Variants in ZNF77 observed in about 807,000 individuals in gnomAD.
ZNF77 encodes ZNFpT1.
ZNF77 carries 15 observed loss-of-function variants against 13.5 expected under a neutral mutation model. The ratio of observed to expected loss-of-function variants is 1.11; its 90% CI spans 0.74 to 1.71. ZNF77 has a LOEUF of 1.71. ZNF77 is among the 40% of genes most tolerant of loss of function. ZNF77 has a pLI of 0.00. For synonymous variants in ZNF77, 282 were observed against 250.0 expected (o/e 1.13, Z -1.21); for missense variants, 717 against 676.4 (o/e 1.06, Z -0.67).
At position 2,934,304 on chromosome 19, in the gene ZNF77, T is replaced by C; in HGVS notation, c.823A>G (p.Lys275Glu). The C allele has an allele frequency of 6.2e-7, 1 of 1,613,634 alleles. No homozygotes were observed. The highest frequency in any genetic ancestry group is 1.3e-5 in the African/African-American group (1 of 75,044). Reference sequence around the variant, plus strand: ...AAGTATGAGGGACAGCTGAAGGCTTTCCCACACTCCTTACACTCATAGGGT... The same window carrying C: ...AAGTATGAGGGACAGCTGAAGGCTTCCCCACACTCCTTACACTCATAGGGT... ...EKPYECKECG[K>E]AFSCPSYFRE... The change falls in exon 4 of 4, where the codon AAA becomes GAA. Residue 275 changes from lysine to glutamate, a missense_variant. Physicochemically the swap from Lys to Glu is moderately conservative, Grantham distance 56. Coordinates refer to ENST00000314531, the MANE Select transcript of ZNF77 (RefSeq NM_021217.3).
chr19:2,941,047 C>T (rs1417512706), intron 1 of ZNF77, among the ~76,000 whole-genome samples: 1 of 151,420 alleles, frequency 6.6e-6, no homozygotes, highest in Non-Finnish European at 1.5e-5. Context: ...TGGTGGGGCA[C>T]ACCTGGAGTC....
chr19:2,933,388 T>C lies in ZNF77; in HGVS notation c.*101A>G. 13 of 1,399,948 alleles carry C rather than the reference T, an allele frequency of 9.3e-6. No individual in the cohort carries two copies. The highest frequency in any genetic ancestry group is 1.1e-5 in the Non-Finnish European group (12 of 1,046,878). 86.7% of individuals were successfully genotyped at this position (1,399,948 alleles called of 1,614,324 possible). A position where few individuals can be genotyped will look rare whatever the true frequency, so the allele number is the denominator to read the frequency against. On this transcript the variant is annotated 3_prime_UTR_variant, in exon 4 of 4. Coordinates refer to ENST00000314531, the MANE Select transcript of ZNF77 (RefSeq NM_021217.3). ...GAATTTTTAGGTACAAAATAAGTGC[T>C]ATACCAGGTTTTCCTACATGCTCTA...
intron 1 of ZNF77, among the ~76,000 whole-genome samples, chr19:2,941,700 G>A (rs1432349080): frequency 1.3e-5 from 2 of 152,090 alleles, no homozygotes; most frequent in Non-Finnish European, 2.9e-5. Flanking sequence ...TCCCCTAATC[G>A]GAATTGCCGC....
chr19:2,941,106 T>TCAA, intron 1 of ZNF77, among the ~76,000 whole-genome samples: 1 of 143,568 alleles, frequency 7.0e-6, no homozygotes, highest in Admixed American at 7.1e-5. Context: ...GCCCAGGAGG[T>TCAA]TGAGGCTGTA....
intron 2 of ZNF77, among the ~76,000 whole-genome samples, chr19:2,937,209 T>G (rs550805870): frequency 6.6e-6 from 1 of 152,032 alleles, no homozygotes; most frequent in Admixed American, 6.6e-5. Flanking sequence ...TAGTGCTGGA[T>G]GCGGTGGCTC....
chr19:2,942,014 A>G (rs2088452829), intron 1 of ZNF77, among the ~76,000 whole-genome samples: 1 of 151,902 alleles, frequency 6.6e-6, no homozygotes. Context: ...GGCAAAGAAC[A>G]CATCCAAGAC....
intron 1 of ZNF77, among the ~76,000 whole-genome samples, chr19:2,941,694 C>T (rs912975134): frequency 1.8e-4 from 28 of 152,158 alleles, no homozygotes; most frequent in African/African-American, 6.8e-4. Context: ...CGTCAGTCCC[C>T]TAATCGGAAT....
At chr19:2,934,840 C>T (rs2088382018) in intron 3 of ZNF77, 25 bp from the exon 4 acceptor site, 4 of 1,585,846 alleles carry the variant, frequency 2.5e-6, no homozygotes, top group Middle Eastern at 3.4e-4. Context: ...AAGCAAGCTA[C>T]TAGTCATGAA....
chr19:2,937,259 G>A (rs147719383), intron 2 of ZNF77, among the ~76,000 whole-genome samples: 1,712 of 152,186 alleles, frequency 0.011, 21 homozygotes, highest in Non-Finnish European at 0.016. Context: ...CGAAGCGGGT[G>A]GATCACCTGA....
intron 1 of ZNF77, 75 bp downstream of exon 1, chr19:2,944,763 C>T: frequency 1.4e-6 from 2 of 1,467,202 alleles, no homozygotes; most frequent in Non-Finnish European, 1.8e-6. Flanking sequence ...TCTCCGGCTG[C>T]GAACTCGGGC....
chr19:2,933,487 AT>A lies in ZNF77; in HGVS notation c.*1del. 4.5e-6 allele frequency: 7 copies of A among 1,548,904 alleles called. No homozygotes were observed. The Admixed American group carries it at 9.7e-5, about 21-fold the overall frequency. ...TCTCCCAGGTCCACTGTATTCGTAGATTCACGCTCCAGCATGTGTTCTCACA... is the reference window on the plus strand; with the variant it reads ...TCTCCCAGGTCCACTGTATTCGTAGATCACGCTCCAGCATGTGTTCTCACA... On this transcript the variant is annotated 3_prime_UTR_variant, in exon 4 of 4. Coordinates refer to ENST00000314531, the MANE Select transcript of ZNF77 (RefSeq NM_021217.3).
intron 1 of ZNF77, among the ~76,000 whole-genome samples, chr19:2,941,729 G>C (rs192257501): frequency 6.6e-6 from 1 of 152,178 alleles, no homozygotes; most frequent in African/African-American, 2.4e-5. Flanking sequence ...ACTGTGGGTC[G>C]TATATTACAG....
intron 1 of ZNF77, among the ~76,000 whole-genome samples, chr19:2,941,469 T>C: frequency 6.6e-6 from 1 of 151,768 alleles, no homozygotes; most frequent in Admixed American, 6.6e-5. Context: ...AGAGTGAGAC[T>C]GTCTCAAAAA....
At chr19:2,938,826 G>A (rs1009765899) in intron 2 of ZNF77, among the ~76,000 whole-genome samples, 2 of 151,986 alleles carry the variant, frequency 1.3e-5, no homozygotes, top group Admixed American at 6.6e-5. Flanking sequence ...CGTGGTGGTG[G>A]GCACCTGTAG....
At chr19:2,936,836 A>G (rs2088402463) in intron 2 of ZNF77, 132 bp from the exon 3 acceptor site, 2 of 831,646 alleles carry the variant, frequency 2.4e-6, no homozygotes, top group South Asian at 3.6e-5. Flanking sequence ...ATGCTATCAA[A>G]GTGAGACTCT....
In ZNF77 at chr19:2,933,864, G is replaced by A. The variant is rs775613315; in HGVS notation, c.1263C>T (p.Ser421=). The change falls in exon 4 of 4, where the codon TCC becomes TCT. Residue 421 remains serine, a synonymous_variant. Coordinates refer to ENST00000314531, the MANE Select transcript of ZNF77 (RefSeq NM_021217.3). The part of the protein sequence containing the change: ...KECGKAYSFS[S]SLRIHVRTHT... Reference sequence around the variant, plus strand: ...GCGTCCTCACGTGGATTCGAAGGGAGGAGGAAAAACTGTAGGCTTTCCCAC... The same window carrying A: ...GCGTCCTCACGTGGATTCGAAGGGAAGAGGAAAAACTGTAGGCTTTCCCAC... 5 of 1,613,246 alleles carry A rather than the reference G, an allele frequency of 3.1e-6. No individual in the cohort carries two copies. The highest frequency in any genetic ancestry group is 2.2e-5 in the East Asian group (1 of 44,844).
rs748785871 is a variant in ZNF77 at position 2,939,402 on chromosome 19, G to A, written c.9C>T (p.Cys3=). ...TCACAGCCACTTCCTCAAAGATCAC[G>A]CAGTCCTAAAACATTCCACACATCC... MD[C]VIFEEVAVNF... is the part of the protein sequence containing the mutation. Residue 3 remains cysteine (C), a synonymous_variant, in exon 2 of 4, where the codon TGC becomes TGT. Transcript: ENST00000314531. 2.8e-5 allele frequency: 45 copies of A among 1,613,902 alleles called. No individual in the cohort carries two copies. Among genetic ancestry groups the A allele is most frequent in the Admixed American group, 1.5e-4 (9 of 59,982 alleles).
At chr19:2,939,431 T>A (rs1279572440) in intron 1 of ZNF77, 24 bp from the exon 2 acceptor site, 2 of 1,611,878 alleles carry the variant, frequency 1.2e-6, no homozygotes, top group East Asian at 4.5e-5. Context: ...CACATCCCAC[T>A]TCAGCAAAGG....
rs1160106865 is a variant in ZNF77 at position 2,933,790 on chromosome 19, C to G, written c.1337G>C (p.Ser446Thr). The G allele has an allele frequency of 6.2e-7, 1 of 1,613,248 alleles. No individual in the cohort carries two copies. Among genetic ancestry groups the G allele is most frequent in the South Asian group, 1.1e-5 (1 of 91,064 alleles). ...ATGCTCTCGAAGGGAGGAGTGACAGCTGAAGGCTTTCCCACAATGCTTACA... is the reference window on the plus strand; with the variant it reads ...ATGCTCTCGAAGGGAGGAGTGACAGGTGAAGGCTTTCCCACAATGCTTACA... ...FECKHCGKAF[S>T]CHSSLREHVR... is the part of the protein sequence containing the mutation. The change falls in exon 4 of 4, where the codon AGC becomes ACC. Residue 446 changes from serine to threonine, a missense_variant. Ser to Thr is a moderately conservative substitution (Grantham distance 58). Coordinates refer to ENST00000314531, the MANE Select transcript of ZNF77 (RefSeq NM_021217.3).
Sources: allele counts gnomAD v4.1 joint callset (sites outside exome capture counted in the v4.1 genomes callset), GRCh38; gene constraint gnomAD v4.1.1; transcripts MANE v1.5; gene names NCBI Gene and HGNC (gene_info 2026-07-23, HGNC 2026-07-21).